The following CCDC90B variants were observed in gnomAD, a reference collection of about 807,000 sequenced individuals.
The protein encoded by CCDC90B is coiled-coil domain-containing protein 90B, mitochondrial.
In CCDC90B, 24 loss-of-function variants were observed where a neutral mutation model predicts 37.0. That is an observed-to-expected ratio of 0.65 (90% CI 0.47 to 0.91). The LOEUF is 0.91. Ranked by LOEUF, CCDC90B falls within the 40% of genes least tolerant of loss-of-function variation. CCDC90B has a pLI of 0.00. For missense variants in CCDC90B, 319 were observed against 299.0 expected (o/e 1.07, Z -0.49); for synonymous variants, 113 against 101.1 (o/e 1.12, Z -0.71).
At chr11:83,283,088 C>T (rs1296128844) in intron 1 of CCDC90B, among the ~76,000 whole-genome samples, 1 of 152,156 alleles carries the variant, frequency 6.6e-6, no homozygotes, top group Non-Finnish European at 1.5e-5. Context: ...TCAACCCCTG[C>T]ACTAAACTAT....
chr11:83,284,839 G>A (rs888744090), intron 1 of CCDC90B, among the ~76,000 whole-genome samples: 4 of 152,176 alleles, frequency 2.6e-5, no homozygotes, highest in Non-Finnish European at 5.9e-5. Flanking sequence ...AGTCAACAAA[G>A]ATGGCAGCTG....
At position 83,259,900 on chromosome 11, in the gene CCDC90B, C is replaced by CCTGT. The variant is rs1863852815; in HGVS notation, c.*2007_*2010dup. 6.6e-6 allele frequency: 1 copy of CCTGT among 152,242 alleles called. No homozygotes were observed. Among genetic ancestry groups the CCTGT allele is most frequent in the African/African-American group, 2.4e-5 (1 of 41,444 alleles). The allele number at this position is 152,242 out of a possible 1,614,324, so 9.4% of individuals were successfully genotyped here. A position where few individuals can be genotyped will look rare whatever the true frequency, so the allele number is the denominator to read the frequency against. The stretch of plus-strand genomic sequence containing the variant: ...GAACTCTAGAACTGGACAGATTTAC[C>CCTGT]CTGTCTCAAGCATTGCTCTACTGGG... On this transcript the variant is annotated 3_prime_UTR_variant, in exon 9 of 9. Coordinates refer to ENST00000529689, the MANE Select transcript of CCDC90B (RefSeq NM_021825.5).
At chr11:83,275,519 CA>C (rs35773488) in intron 3 of CCDC90B, among the ~76,000 whole-genome samples, 49,768 of 133,382 alleles carry the variant, frequency 0.37, 8,492 homozygotes, top group South Asian at 0.44. Flanking sequence ...GCAAATATTC[CA>C]AAAAAAAAAA....
At chr11:83,285,291 A>T in intron 1 of CCDC90B, 1 of 1,261,548 alleles carries the variant, frequency 7.9e-7, no homozygotes, top group Non-Finnish European at 1.0e-6. Context: ...TTCTCTGAAT[A>T]AAGTTAGATG....
rs1181372273 is a variant in CCDC90B, at chr11:83,259,713, A to C, written c.*2198T>G. ...GTTGCCAGGCTGGAGTGCAGTGACT[A>C]TTTATAGGTATGATCATGGTACACT... On this transcript the variant is annotated 3_prime_UTR_variant, in exon 9 of 9. Transcript: ENST00000529689. 1 of 152,044 alleles carries C rather than the reference A, an allele frequency of 6.6e-6. No individual in the cohort carries two copies. Among genetic ancestry groups the C allele is most frequent in the Non-Finnish European group, 1.5e-5 (1 of 68,012 alleles). 9.4% of individuals were successfully genotyped at this position (152,044 alleles called of 1,614,324 possible).
chr11:83,274,806 T>G, intron 3 of CCDC90B, 66 bp from the exon 4 acceptor site: 1 of 1,010,396 alleles, frequency 9.9e-7, no homozygotes, highest in Non-Finnish European at 1.5e-6. Context: ...ACAGAATTGT[T>G]TTCATGAAAT....
intron 7 of CCDC90B, among the ~76,000 whole-genome samples, chr11:83,268,630 A>C (rs937877717): frequency 1.3e-5 from 2 of 152,094 alleles, no homozygotes; most frequent in African/African-American, 4.8e-5. Flanking sequence ...AACCGACAAA[A>C]AGACTTAGAC....
At chr11:83,272,709 T>A (rs895635682) in intron 7 of CCDC90B, among the ~76,000 whole-genome samples, 8 of 152,304 alleles carry the variant, frequency 5.3e-5, no homozygotes, top group African/African-American at 1.9e-4. Flanking sequence ...GAGAATAAGA[T>A]CTTTGAAAGA....
intron 7 of CCDC90B, 27 bp from the exon 8 acceptor site, chr11:83,266,006 T>A: frequency 1.6e-6 from 2 of 1,245,616 alleles, no homozygotes; most frequent in Non-Finnish European, 2.4e-6. Context: ...TAAGAGAACT[T>A]AATTTTGTCC....
intron 7 of CCDC90B, among the ~76,000 whole-genome samples, chr11:83,266,432 C>T (rs1007962519): frequency 6.6e-6 from 1 of 152,258 alleles, no homozygotes; most frequent in African/African-American, 2.4e-5. Context: ...GTCTTAGCAA[C>T]TGGCAGACAA....
chr11:83,285,877 C>T lies in CCDC90B; in HGVS notation c.96G>A (p.Arg32=), dbSNP rs925111458. ...TGACACGACGCCTTGCCTCACCTCT[C>T]CGCAGGGCCGGCGAGAAATGCCCGC... The part of the protein sequence containing the change: ...RPRGHFSPAL[R]REFFTTTTKE... Residue 32 remains arginine, a synonymous_variant, in exon 1 of 9, where the codon CGG becomes CGA. Coordinates refer to ENST00000529689, the MANE Select transcript of CCDC90B (RefSeq NM_021825.5). The T allele has an allele frequency of 6.2e-7, 1 of 1,612,026 alleles. No homozygotes were observed. The highest frequency in any genetic ancestry group is 1.3e-5 in the African/African-American group (1 of 75,018).
chr11:83,272,092 C>A (rs1435467252), intron 7 of CCDC90B, among the ~76,000 whole-genome samples: 1 of 152,020 alleles, frequency 6.6e-6, no homozygotes, highest in African/African-American at 2.4e-5. Flanking sequence ...AGAAACATCA[C>A]ACACTGGGGC....
chr11:83,264,095 T>C (rs1222537079), intron 8 of CCDC90B, among the ~76,000 whole-genome samples: 1 of 152,152 alleles, frequency 6.6e-6, no homozygotes, highest in Non-Finnish European at 1.5e-5. Context: ...CACCAAGATA[T>C]GTGTGTGTGT....
Position 83,261,746 on chromosome 11 carries a change from G to A in CCDC90B, c.*165C>T. ...CCTGCACTCACACACACACAATAAAGACACAGTATCTCTTCTCATTCTAAA... is the reference window on the plus strand; with the variant it reads ...CCTGCACTCACACACACACAATAAAAACACAGTATCTCTTCTCATTCTAAA... On this transcript the variant is annotated 3_prime_UTR_variant, in exon 9 of 9. Coordinates refer to ENST00000529689, the MANE Select transcript of CCDC90B (RefSeq NM_021825.5). The A allele has an allele frequency of 1.9e-6, 1 of 531,844 alleles. No homozygotes were observed. The highest frequency in any genetic ancestry group is 3.0e-5 in the East Asian group (1 of 32,792). The allele number at this position is 531,844 out of a possible 1,614,324, so 32.9% of individuals were successfully genotyped here.
intron 4 of CCDC90B, chr11:83,274,395 A>C (rs1473228708): frequency 1.4e-5 from 4 of 281,312 alleles, no homozygotes; most frequent in Non-Finnish European, 2.6e-5. Context: ...TAGCTCAAAG[A>C]TTTTGTTTTA....
intron 7 of CCDC90B, 61 bp from the exon 8 acceptor site, chr11:83,266,040 A>G (rs1186783825): frequency 1.2e-6 from 1 of 848,412 alleles, no homozygotes; most frequent in Non-Finnish European, 2.0e-6. Context: ...GGACAAAAGC[A>G]TTTACATTAT....
chr11:83,280,686 C>G (rs764175243), intron 1 of CCDC90B, among the ~76,000 whole-genome samples: 4 of 152,184 alleles, frequency 2.6e-5, no homozygotes, highest in Non-Finnish European at 5.9e-5. Context: ...TTCCATACTC[C>G]CACTCACTTA....
chr11:83,281,742 G>T (rs1306366389), intron 1 of CCDC90B, among the ~76,000 whole-genome samples: 1 of 151,620 alleles, frequency 6.6e-6, no homozygotes, highest in Non-Finnish European at 1.5e-5. Context: ...GGTACTCTTA[G>T]TTACATATTC....
Position 83,261,784 on chromosome 11 carries a change from T to C in CCDC90B, c.*127A>G. The C allele has an allele frequency of 1.6e-6, 1 of 632,846 alleles. No individual in the cohort carries two copies. Among genetic ancestry groups the C allele is most frequent in the East Asian group, 2.8e-5 (1 of 36,032 alleles). The allele number at this position is 632,846 out of a possible 1,614,324, so 39.2% of individuals were successfully genotyped here. A position where few individuals can be genotyped will look rare whatever the true frequency, so the allele number is the denominator to read the frequency against. On this transcript the variant is annotated 3_prime_UTR_variant, in exon 9 of 9. Transcript: ENST00000529689. The stretch of plus-strand genomic sequence containing the variant: ...TTCTCATTCTAAAACACTTCCTCTT[T>C]TAGTCCGTATACACTTCGAATAATC...
Sources: gnomAD v4.1 joint callset for allele counts (sites outside exome capture counted in the v4.1 genomes callset) on GRCh38, gnomAD v4.1.1 for gene constraint, MANE v1.5 for transcripts, NCBI Gene and HGNC (gene_info 2026-07-23, HGNC 2026-07-21) for gene names.